Variants in PKNOX1 observed in about 807,000 individuals in gnomAD.
PKNOX1 encodes PBX/knotted 1 homeobox 1.
A neutral mutation model predicts 51.9 loss-of-function variants in PKNOX1; 15 were observed. The observed-to-expected ratio is 0.29, with a 90% confidence interval of 0.19 to 0.45. The LOEUF is 0.45. Among genes scored for constraint, PKNOX1 ranks in the 20% least tolerant of loss-of-function variants. The pLI is 1.00. For synonymous variants in PKNOX1, 219 were observed against 211.1 expected (o/e 1.04, Z -0.32); for missense variants, 462 against 547.5 (o/e 0.84, Z 1.56).
intron 6 of PKNOX1, 51 bp from the exon 7 acceptor site, chr21:43,018,073 AGAATGGTTT>A: frequency 7.4e-6 from 6 of 813,628 alleles, no homozygotes; most frequent in Non-Finnish European, 1.0e-5. Context: ...AAAAAAAAGA[AGAATGGTTT>A]AAATCATTGA....
At position 43,021,330 on chromosome 21, in the gene PKNOX1, A is replaced by G. The variant is rs775244618; in HGVS notation, c.748A>G (p.Ser250Gly). ...TCAGTTACAGTTAAACCAAGATCTC[A>G]GCATCTTGCATCAAGATGATGGTTC... ...QLQLQLNQDL[S>G]ILHQDDGSSK... The change falls in exon 8 of 11, where the codon AGC becomes GGC. Residue 250 changes from serine to glycine, a missense_variant. Transcript: ENST00000291547. The surrounding 1 kb of genome is among the most constrained non-coding windows in gnomAD (Gnocchi z 4.6). 1.9e-6 allele frequency: 3 copies of G among 1,610,462 alleles called. No homozygotes were observed. Among genetic ancestry groups the G allele is most frequent in the East Asian group, 4.5e-5 (2 of 44,792 alleles).
intron 1 of PKNOX1, among the ~76,000 whole-genome samples, chr21:42,982,837 G>T (rs1275152846): frequency 6.6e-6 from 1 of 151,886 alleles, no homozygotes; most frequent in East Asian, 1.9e-4. Flanking sequence ...CGAAACAGGG[G>T]CTTGCTCTGT....
Position 43,030,224 on chromosome 21 carries a change from T to A in PKNOX1, c.*123T>A. ...GCACTTTTGTATTTCATAGTAAGCT[T>A]AAAGCGCGTCTTTGCCGGTGCAGCG... On this transcript the variant is annotated 3_prime_UTR_variant, in exon 11 of 11. Transcript: ENST00000291547. 1 of 772,038 alleles carries A rather than the reference T, an allele frequency of 1.3e-6. No homozygotes were observed. Among genetic ancestry groups the A allele is most frequent in the Non-Finnish European group, 2.0e-6 (1 of 492,844 alleles). 47.8% of individuals were successfully genotyped at this position (772,038 alleles called of 1,614,324 possible). A position where few individuals can be genotyped will look rare whatever the true frequency, so the allele number is the denominator to read the frequency against.
At chr21:43,016,781 G>A in intron 5 of PKNOX1, 127 bp from the exon 6 acceptor site, 2 of 588,336 alleles carry the variant, frequency 3.4e-6, no homozygotes, top group African/African-American at 1.9e-5. Flanking sequence ...CGTCATCTGA[G>A]GATGTTCTTT....
intron 3 of PKNOX1, among the ~76,000 whole-genome samples, chr21:43,008,026 T>A (rs1038935596): frequency 2.0e-5 from 3 of 148,246 alleles, no homozygotes; most frequent in Admixed American, 1.4e-4. Flanking sequence ...ATCGCACCAC[T>A]GCACTCCAGC....
chr21:43,001,918 G>A (rs1246629087), intron 1 of PKNOX1, among the ~76,000 whole-genome samples: 1 of 151,916 alleles, frequency 6.6e-6, no homozygotes, highest in African/African-American at 2.4e-5. Context: ...CTGAGATCGC[G>A]CCACTGCACT....
chr21:43,018,313 C>T (rs1979593468), intron 7 of PKNOX1, 83 bp downstream of exon 7: 1 of 830,964 alleles, frequency 1.2e-6, no homozygotes, highest in African/African-American at 1.7e-5. Flanking sequence ...GAGCCCTTCC[C>T]TCTGCCTGAA....
At chr21:42,990,254 GT>G (rs1555858463) in intron 1 of PKNOX1, among the ~76,000 whole-genome samples, 2 of 152,022 alleles carry the variant, frequency 1.3e-5, no homozygotes, top group Non-Finnish European at 2.9e-5. Context: ...GCAAGACTCC[GT>G]CATAAATGAA....
chr21:43,029,193 C>T (rs1468436284), intron 10 of PKNOX1, among the ~76,000 whole-genome samples: 7 of 152,244 alleles, frequency 4.6e-5, no homozygotes, highest in East Asian at 1.9e-4. Context: ...TTCCCTCCGA[C>T]GCCGGGTGTG....
intron 1 of PKNOX1, among the ~76,000 whole-genome samples, chr21:42,984,841 G>A (rs565851295): frequency 2.0e-5 from 3 of 152,138 alleles, no homozygotes; most frequent in Non-Finnish European, 4.4e-5. Context: ...AGAGAGGGGT[G>A]GCTGCTGTGC....
At chr21:43,024,129 C>G (rs1469786826) in intron 8 of PKNOX1, among the ~76,000 whole-genome samples, 1 of 152,162 alleles carries the variant, frequency 6.6e-6, no homozygotes, top group Non-Finnish European at 1.5e-5. Context: ...GGTTCAGTTC[C>G]TTACTGACAG....
chr21:43,000,719 T>A (rs1472466464), intron 1 of PKNOX1, among the ~76,000 whole-genome samples: 1 of 116,974 alleles, frequency 8.5e-6, no homozygotes, highest in Non-Finnish European at 1.9e-5. Context: ...AGACTTCATC[T>A]CTACAAAAAA....
intron 1 of PKNOX1, among the ~76,000 whole-genome samples, chr21:42,990,960 G>A (rs1276206696): frequency 6.6e-6 from 1 of 152,158 alleles, no homozygotes; most frequent in African/African-American, 2.4e-5. Context: ...TTGGGTGAGG[G>A]TCAGAAAGTC....
At chr21:43,007,856 G>A in intron 3 of PKNOX1, 1 of 389,878 alleles carries the variant, frequency 2.6e-6, no homozygotes, top group Non-Finnish European at 4.7e-6. Context: ...TTGAGGTTAA[G>A]AGTTTGAGAC....
At chr21:42,976,026 C>A (rs413621) in intron 1 of PKNOX1, among the ~76,000 whole-genome samples, 135,915 of 151,982 alleles carry the variant, frequency 0.89, 60,897 homozygotes, top group Non-Finnish European at 0.91. Context: ...AGGCTGACCC[C>A]AATGAGCCTT....
chr21:43,028,085 A>G (rs748377967), intron 9 of PKNOX1, among the ~76,000 whole-genome samples: 2 of 152,228 alleles, frequency 1.3e-5, no homozygotes, highest in Non-Finnish European at 2.9e-5. Flanking sequence ...CCACATGTCT[A>G]GGACCACTGG....
chr21:42,987,013 C>G (rs2059055486), intron 1 of PKNOX1, among the ~76,000 whole-genome samples: 1 of 152,156 alleles, frequency 6.6e-6, no homozygotes, highest in African/African-American at 2.4e-5. Context: ...AAGGCAGCGT[C>G]TAGTATATTA....
At chr21:43,029,043 C>T (rs760053374) in intron 10 of PKNOX1, 169 bp downstream of exon 10, 64 of 663,888 alleles carry the variant, frequency 9.6e-5, no homozygotes, top group Middle Eastern at 7.9e-4. Context: ...TCTGCGTGCA[C>T]GGGAGCTCTC....
Position 43,031,361 on chromosome 21 carries a change from G to GCTGGTCTC in PKNOX1, c.*1266_*1273dup, listed in dbSNP as rs1980261514. 6.6e-6 allele frequency: 1 copy of GCTGGTCTC among 152,472 alleles called. No homozygotes were observed. Among genetic ancestry groups the GCTGGTCTC allele is most frequent in the Non-Finnish European group, 1.5e-5 (1 of 68,048 alleles). 9.4% of individuals were successfully genotyped at this position (152,472 alleles called of 1,614,324 possible). A position where few individuals can be genotyped will look rare whatever the true frequency, so the allele number is the denominator to read the frequency against. On this transcript the variant is annotated 3_prime_UTR_variant, in exon 11 of 11. Coordinates refer to ENST00000291547, the MANE Select transcript of PKNOX1 (RefSeq NM_004571.5). Reference sequence around the variant, plus strand: ...GTTGGCTCCTACGTTTGCGTTTGTGGCTGGTCTCCTGGTGTCAGTGTTCTC... The same window carrying GCTGGTCTC: ...GTTGGCTCCTACGTTTGCGTTTGTGGCTGGTCTCCTGGTCTCCTGGTGTCAGTGTTCTC...
Sources: allele counts gnomAD v4.1 joint callset (sites outside exome capture counted in the v4.1 genomes callset), GRCh38; gene constraint gnomAD v4.1.1; non-coding constraint Gnocchi (gnomAD v3.1); transcripts MANE v1.5; gene names NCBI Gene and HGNC (gene_info 2026-07-23, HGNC 2026-07-21).